The following LHFPL6 variants were observed in gnomAD, a reference collection of about 807,000 sequenced individuals.
LHFPL6 encodes LHFPL tetraspan subfamily member 6 protein.
In LHFPL6, 9 loss-of-function variants were observed where a neutral mutation model predicts 20.6. The ratio of observed to expected loss-of-function variants is 0.44; its 90% CI spans 0.26 to 0.76. LHFPL6 has a LOEUF of 0.76. LHFPL6 is among the 30% of genes least tolerant of loss of function. LHFPL6 has a pLI of 0.20. For synonymous variants in LHFPL6, 105 were observed against 98.7 expected (o/e 1.06, Z -0.38); for missense variants, 218 against 253.5 (o/e 0.86, Z 0.95).
intron 2 of LHFPL6, among the ~76,000 whole-genome samples, chr13:39,487,455 T>C (rs943073530): frequency 3.9e-5 from 6 of 152,214 alleles, no homozygotes; most frequent in African/African-American, 7.2e-5. Context: ...TGCATTTTAG[T>C]GTGGCCAACT....
In LHFPL6 at chr13:39,554,634, T is replaced by G. The variant is rs549562136; in HGVS notation, c.385+46198A>C. The stretch of plus-strand genomic sequence containing the variant: ...TTTTTCACATCTCCGTGTTTTCAAA[T>G]GTTGTTGTCTTCCCCCTCCTCCCCA... On this transcript the variant is annotated intron_variant, in intron 2 of 3. Coordinates refer to ENST00000379589, the MANE Select transcript of LHFPL6 (RefSeq NM_005780.3). 3.3e-5 allele frequency among the ~76,000 whole-genome samples: 5 copies of G among 152,300 alleles called. No homozygotes were observed. In the South Asian group the frequency reaches 8.3e-4, roughly 25 times the overall value.
At chr13:39,368,104 T>A (rs1369466005) in intron 3 of LHFPL6, among the ~76,000 whole-genome samples, 1 of 151,924 alleles carries the variant, frequency 6.6e-6, no homozygotes, top group Non-Finnish European at 1.5e-5. Flanking sequence ...GGCGGGTGGG[T>A]CACTCACTTG....
chr13:39,423,456 T>C (rs2138398035), intron 2 of LHFPL6, among the ~76,000 whole-genome samples: 1 of 151,926 alleles, frequency 6.6e-6, no homozygotes, highest in Middle Eastern at 3.4e-3. Context: ...GAAGTGTCAC[T>C]CTTGTTGCCC....
intron 2 of LHFPL6, among the ~76,000 whole-genome samples, chr13:39,397,161 G>GA (rs5802985): frequency 3.1e-4 from 46 of 147,776 alleles, no homozygotes; most frequent in African/African-American, 4.5e-4. Flanking sequence ...AAAGTAAATT[G>GA]AAAAAAAAAA....
chr13:39,575,496 T>C (rs1251431562), intron 2 of LHFPL6, among the ~76,000 whole-genome samples: 1 of 152,218 alleles, frequency 6.6e-6, no homozygotes, highest in East Asian at 1.9e-4. Flanking sequence ...CACAACTCCT[T>C]GCTAATTTAC....
intron 2 of LHFPL6, among the ~76,000 whole-genome samples, chr13:39,599,208 G>A (rs1290350323): frequency 6.6e-6 from 1 of 152,004 alleles, no homozygotes; most frequent in African/African-American, 2.4e-5. Flanking sequence ...TAAAATGAAG[G>A]AAAAATGGAA....
intron 3 of LHFPL6, among the ~76,000 whole-genome samples, chr13:39,371,735 C>T (rs929898090): frequency 3.9e-5 from 6 of 152,204 alleles, no homozygotes; most frequent in African/African-American, 4.8e-5. Flanking sequence ...AATCCCACTA[C>T]TTCTCAGTAA....
chr13:39,365,413 G>C (rs1644597990), intron 3 of LHFPL6, among the ~76,000 whole-genome samples: 1 of 152,166 alleles, frequency 6.6e-6, no homozygotes, highest in African/African-American at 2.4e-5. Flanking sequence ...ATGTTTGTTA[G>C]CTGCCCTCAA....
At chr13:39,571,044 T>C (rs1871897221) in intron 2 of LHFPL6, among the ~76,000 whole-genome samples, 2 of 152,212 alleles carry the variant, frequency 1.3e-5, no homozygotes, top group Admixed American at 1.3e-4. Flanking sequence ...TTCATGTAGT[T>C]CAGATTTTAG....
chr13:39,484,864 T>A (rs1273443791), intron 2 of LHFPL6, among the ~76,000 whole-genome samples: 1 of 152,148 alleles, frequency 6.6e-6, no homozygotes, highest in East Asian at 1.9e-4. Context: ...CCCCAGAGAT[T>A]TGTGTAGGTG....
intron 2 of LHFPL6, among the ~76,000 whole-genome samples, chr13:39,552,291 A>G (rs1871162495): frequency 6.6e-6 from 1 of 152,210 alleles, no homozygotes; most frequent in Non-Finnish European, 1.5e-5. Flanking sequence ...GAATCTATTA[A>G]CTGAGAAGAA....
chr13:39,359,137 G>A (rs1329895123), intron 3 of LHFPL6, among the ~76,000 whole-genome samples: 2 of 152,118 alleles, frequency 1.3e-5, no homozygotes, highest in East Asian at 1.9e-4. Flanking sequence ...CTCCAGCCTC[G>A]GTAACAGAGT....
chr13:39,434,783 G>A (rs1030807117), intron 2 of LHFPL6, among the ~76,000 whole-genome samples: 7 of 152,136 alleles, frequency 4.6e-5, no homozygotes, highest in Non-Finnish European at 1.0e-4. Flanking sequence ...CAGGCTGGGC[G>A]CGGTGGCTCA....
chr13:39,348,410 A>ACACC (rs1285616109), intron 3 of LHFPL6, among the ~76,000 whole-genome samples: 2 of 152,166 alleles, frequency 1.3e-5, no homozygotes, highest in Non-Finnish European at 2.9e-5. Context: ...TGGAGTGTGC[A>ACACC]CACCGGGCTT....
chr13:39,527,466 A>G (rs1870326257), intron 2 of LHFPL6, among the ~76,000 whole-genome samples: 2 of 151,676 alleles, frequency 1.3e-5, no homozygotes, highest in South Asian at 4.2e-4. Context: ...TCTCCTGTCC[A>G]TCTTTGAACA....
chr13:39,419,782 A>C (rs1340456178), intron 2 of LHFPL6, among the ~76,000 whole-genome samples: 1 of 152,116 alleles, frequency 6.6e-6, no homozygotes, highest in Non-Finnish European at 1.5e-5. Flanking sequence ...AGAGTTCATA[A>C]GTTATTTTTC....
intron 2 of LHFPL6, among the ~76,000 whole-genome samples, chr13:39,479,492 GA>G (rs1416599791): frequency 3.9e-5 from 6 of 151,992 alleles, no homozygotes; most frequent in African/African-American, 1.5e-4. Context: ...ATAACAATGT[GA>G]AACAAAAACA....
At chr13:39,352,991 T>TATATATATATATAA (rs1566091754) in intron 3 of LHFPL6, among the ~76,000 whole-genome samples, 11 of 93,614 alleles carry the variant, frequency 1.2e-4, no homozygotes, top group African/African-American at 5.6e-4. Context: ...ATATATATAA[T>TATATATATATATAA]TTTTTTTTTT....
intron 2 of LHFPL6, among the ~76,000 whole-genome samples, chr13:39,527,506 GA>G (rs370726805): frequency 0.032 from 3,220 of 101,798 alleles, 75 homozygotes; most frequent in East Asian, 0.13. Context: ...CTGTTGTCCA[GA>G]AAAAAAAAAA....
Sources: allele counts gnomAD v4.1 joint callset (sites outside exome capture counted in the v4.1 genomes callset), GRCh38; gene constraint gnomAD v4.1.1; transcripts MANE v1.5; gene names NCBI Gene and HGNC (gene_info 2026-07-23, HGNC 2026-07-21).